PALLD: variants seen among roughly 807,000 people sequenced by gnomAD.
The protein encoded by PALLD is palladin, cytoskeletal associated protein.
Under a neutral mutation model 123.5 loss-of-function variants are expected in PALLD, and 61 were observed. That is an observed-to-expected ratio of 0.49 (90% CI 0.40 to 0.61). PALLD has a LOEUF of 0.61. Among genes scored for constraint, PALLD ranks in the 20% least tolerant of loss-of-function variants. The pLI is 0.00. For missense variants in PALLD, 1,273 were observed against 1,377.0 expected, an observed-to-expected ratio of 0.92 and a Z score of 1.20; for synonymous variants, 465 against 496.4, an observed-to-expected ratio of 0.94 and a Z score of 0.84.
At chr4:168,786,134 C>T (rs1736722032) in intron 10 of PALLD, among the ~76,000 whole-genome samples, 2 of 151,672 alleles carry the variant, frequency 1.3e-5, no homozygotes. Context: ...TTGAGACCAG[C>T]CTGGCCAACA....
At chr4:168,870,845 A>T (rs1750979351) in intron 10 of PALLD, among the ~76,000 whole-genome samples, 1 of 152,234 alleles carries the variant, frequency 6.6e-6, no homozygotes, top group African/African-American at 2.4e-5. Context: ...AATAACCTGC[A>T]TGATAGTGGC....
At chr4:168,635,935 G>A (rs1377213625) in intron 2 of PALLD, among the ~76,000 whole-genome samples, 1 of 152,192 alleles carries the variant, frequency 6.6e-6, no homozygotes, top group African/African-American at 2.4e-5. Context: ...AAACTACATT[G>A]GAATTGAGGA....
Position 168,581,203 on chromosome 4 carries a change from C to T in PALLD, c.908+68791C>T, listed in dbSNP as rs570869375. On this transcript the variant is annotated intron_variant, in intron 2 of 21. Coordinates refer to ENST00000505667, the MANE Select transcript of PALLD (RefSeq NM_001166108.2). ...ATCTTGGCTGTTGTAGATAACACTA[C>T]CATGAACGTGGGAGTGCAGATGTCT... Among the ~76,000 whole-genome samples, 4 of 152,178 alleles carry T rather than the reference C, an allele frequency of 2.6e-5. No homozygotes were observed. The East Asian group carries it at 7.7e-4, about 29-fold the overall frequency.
intron 2 of PALLD, among the ~76,000 whole-genome samples, chr4:168,520,406 G>T (rs1022855783): frequency 6.6e-5 from 10 of 150,678 alleles, no homozygotes; most frequent in Non-Finnish European, 1.2e-4. Context: ...CCTTATCTCT[G>T]ACTCCTACCA....
chr4:168,635,270 C>G (rs182563678), intron 2 of PALLD, among the ~76,000 whole-genome samples: 1 of 152,174 alleles, frequency 6.6e-6, no homozygotes, highest in African/African-American at 2.4e-5. Context: ...AAAGCATGGT[C>G]GATCTTTTCC....
intron 1 of PALLD, chr4:168,507,638 G>T (rs1315527798): frequency 5.0e-6 from 1 of 199,030 alleles, no homozygotes; most frequent in Non-Finnish European, 1.0e-5. Flanking sequence ...TGTCAGTCTT[G>T]TCTTCCTCTT....
At chr4:168,811,194 G>A (rs139800643) in intron 10 of PALLD, among the ~76,000 whole-genome samples, 10 of 152,288 alleles carry the variant, frequency 6.6e-5, no homozygotes, top group South Asian at 2.1e-4. Context: ...GCCTGGATTC[G>A]TGGTTCAGCC....
chr4:168,630,652 T>G (rs1005643186), intron 2 of PALLD, among the ~76,000 whole-genome samples: 6 of 152,262 alleles, frequency 3.9e-5, no homozygotes, highest in African/African-American at 1.2e-4. Context: ...ATCTTTGATA[T>G]TTCATAGGCT....
chr4:168,779,098 G>C (rs1436238875), intron 10 of PALLD, among the ~76,000 whole-genome samples: 1 of 152,194 alleles, frequency 6.6e-6, no homozygotes, highest in African/African-American at 2.4e-5. Context: ...ATTGATCTAA[G>C]ACAGTTAACT....
chr4:168,819,238 A>T (rs1742377410), intron 10 of PALLD, among the ~76,000 whole-genome samples: 1 of 152,220 alleles, frequency 6.6e-6, no homozygotes, highest in Non-Finnish European at 1.5e-5. Flanking sequence ...AAATAGCAAA[A>T]TGTCAATTAT....
chr4:168,911,854 T>C (rs1044604332), intron 15 of PALLD, among the ~76,000 whole-genome samples: 2 of 152,206 alleles, frequency 1.3e-5, no homozygotes, highest in Admixed American at 6.5e-5. Context: ...ATGACCTCAA[T>C]AGCAAACACC....
At chr4:168,734,089 C>A (rs113753633) in intron 10 of PALLD, among the ~76,000 whole-genome samples, 14 of 152,250 alleles carry the variant, frequency 9.2e-5, no homozygotes, top group Middle Eastern at 3.4e-3. Flanking sequence ...TCCTGAGTAT[C>A]TGAGATATCG....
intron 10 of PALLD, among the ~76,000 whole-genome samples, chr4:168,748,586 A>G (rs913677157): frequency 1.3e-5 from 2 of 152,224 alleles, no homozygotes; most frequent in Non-Finnish European, 2.9e-5. Flanking sequence ...GAATCCAAGC[A>G]TAGGTTAGCT....
intron 2 of PALLD, among the ~76,000 whole-genome samples, chr4:168,552,465 C>A (rs1467750546): frequency 6.6e-6 from 1 of 152,144 alleles, no homozygotes; most frequent in Non-Finnish European, 1.5e-5. Flanking sequence ...AGGCTCTAAA[C>A]ACTAACCTGC....
At chr4:168,731,421 C>T (rs1174145602) in intron 10 of PALLD, among the ~76,000 whole-genome samples, 1 of 152,190 alleles carries the variant, frequency 6.6e-6, no homozygotes, top group African/African-American at 2.4e-5. Context: ...AGATAAGCTA[C>T]TCAGTGCCCC....
chr4:168,829,297 G>C (rs1392789945), intron 10 of PALLD: 1 of 152,136 alleles, frequency 6.6e-6, no homozygotes, highest in Non-Finnish European at 1.5e-5. Context: ...CAGACACACA[G>C]AGATGACAGA....
chr4:168,733,899 TA>T (rs1787445709), intron 10 of PALLD, among the ~76,000 whole-genome samples: 1 of 152,172 alleles, frequency 6.6e-6, no homozygotes, highest in Non-Finnish European at 1.5e-5. Context: ...CGCACCTGGC[TA>T]ATTTTTTTGT....
At chr4:168,686,003 TTC>T (rs1782007976) in intron 6 of PALLD, among the ~76,000 whole-genome samples, 1 of 152,126 alleles carries the variant, frequency 6.6e-6, no homozygotes, top group Non-Finnish European at 1.5e-5. Flanking sequence ...ATAGCATTTC[TTC>T]TCTTTCTTTT....
In PALLD at chr4:168,869,638, T is replaced by C. The variant is rs539832509; in HGVS notation, c.1965-21284T>C. Among the ~76,000 whole-genome samples, 1 of 152,296 alleles carries C rather than the reference T, an allele frequency of 6.6e-6. No individual in the cohort carries two copies. The highest frequency in any genetic ancestry group is 2.1e-4 in the South Asian group (1 of 4,828). On this transcript the variant is annotated intron_variant, in intron 10 of 21. Transcript: ENST00000505667. The surrounding 1 kb of genome is among the most constrained non-coding windows in gnomAD (Gnocchi z 4.5). ...GCAGCATTAGTTGGAGATAAGATTG[T>C]TAGGACTGTTTGAGGCCAAATTATG...
Sources: allele counts gnomAD v4.1 joint callset (sites outside exome capture counted in the v4.1 genomes callset), GRCh38; gene constraint gnomAD v4.1.1; non-coding constraint Gnocchi (gnomAD v3.1); transcripts MANE v1.5; gene names NCBI Gene and HGNC (gene_info 2026-07-23, HGNC 2026-07-21).